Variants in EEF1AKMT2 observed in about 807,000 individuals in gnomAD.
EEF1AKMT2 encodes eukaryotic translation elongation factor 1 alpha lysine methyltransferase 2.
EEF1AKMT2 carries 32 observed loss-of-function variants against 35.8 expected under a neutral mutation model. The observed-to-expected ratio is 0.89, with a 90% confidence interval of 0.67 to 1.20. The LOEUF is 1.20. EEF1AKMT2 is among the 50% of genes most tolerant of loss of function. The pLI, the probability that EEF1AKMT2 is intolerant of heterozygous loss-of-function variation, is 0.00. For synonymous variants in EEF1AKMT2, 121 were observed against 133.7 expected (o/e 0.91, Z 0.65); for missense variants, 330 against 347.5 (o/e 0.95, Z 0.40).
At chr10:124,767,511 CAAAAA>C (rs1193595891) in intron 4 of EEF1AKMT2, among the ~76,000 whole-genome samples, 2 of 60,166 alleles carry the variant, frequency 3.3e-5, no homozygotes, top group African/African-American at 1.0e-4. Flanking sequence ...GACACTGCCT[CAAAAA>C]AAAAAAAAAA....
chr10:124,757,366 G>A (rs1048792624), downstream of EEF1AKMT2, among the ~76,000 whole-genome samples: 1 of 151,628 alleles, frequency 6.6e-6, no homozygotes, highest in Non-Finnish European at 1.5e-5. Context: ...CATTTGTACA[G>A]ATTTTCATTG....
chr10:124,789,257 G>C, intron 2 of EEF1AKMT2, 100 bp from the exon 3 acceptor site: 1 of 717,928 alleles, frequency 1.4e-6, no homozygotes, highest in South Asian at 2.0e-5. Flanking sequence ...ACTCTTATTT[G>C]AAAGTGAAAA....
At chr10:124,784,076 A>C (rs992586825) in intron 3 of EEF1AKMT2, among the ~76,000 whole-genome samples, 1 of 152,104 alleles carries the variant, frequency 6.6e-6, no homozygotes, top group African/African-American at 2.4e-5. Flanking sequence ...TGCCCACCTC[A>C]GTCTCCCAAA....
intron 4 of EEF1AKMT2, among the ~76,000 whole-genome samples, chr10:124,768,307 A>G (rs1231428434): frequency 6.6e-6 from 1 of 152,182 alleles, no homozygotes; most frequent in Non-Finnish European, 1.5e-5. Flanking sequence ...ATGAACAGAC[A>G]TTTTTAAAAA....
chr10:124,769,803 C>T (rs908008067), intron 4 of EEF1AKMT2, among the ~76,000 whole-genome samples: 2 of 151,212 alleles, frequency 1.3e-5, no homozygotes, highest in South Asian at 4.2e-4. Flanking sequence ...AAAAATTAGC[C>T]GGGCATGGTG....
At chr10:124,786,348 T>C (rs1221025116) in intron 3 of EEF1AKMT2, among the ~76,000 whole-genome samples, 1 of 150,708 alleles carries the variant, frequency 6.6e-6, no homozygotes, top group East Asian at 2.0e-4. Flanking sequence ...CTACTGAAAA[T>C]ACAAAAAATT....
chr10:124,769,778 C>T lies in EEF1AKMT2; in HGVS notation c.400-4170G>A, dbSNP rs529917516. On this transcript the variant is annotated intron_variant, in intron 4 of 6. Transcript: ENST00000368836. ...CCTGACCAACATAGTGAAACCCCAT[C>T]GCTACTAAAAATACAAAAATTAGCC... 7.8e-4 allele frequency among the ~76,000 whole-genome samples: 118 copies of T among 150,704 alleles called. 1 individual carries two copies. Among genetic ancestry groups the T allele is most frequent in the African/African-American group, 2.6e-3 (105 of 41,036 alleles).
chr10:124,758,232 G>A lies in EEF1AKMT2; in HGVS notation c.*2271C>T, dbSNP rs1331377552. 1 of 152,102 alleles carries A rather than the reference G, an allele frequency of 6.6e-6. No individual in the cohort carries two copies. Among genetic ancestry groups the A allele is most frequent in the Non-Finnish European group, 1.5e-5 (1 of 68,018 alleles). 9.4% of individuals were successfully genotyped at this position (152,102 alleles called of 1,614,324 possible). Reference sequence around the variant, plus strand: ...ATGTAACTTACTGCTTTTTATAAGTGCATAATTTCTGTCACAGTTACCCAC... The same window carrying A: ...ATGTAACTTACTGCTTTTTATAAGTACATAATTTCTGTCACAGTTACCCAC... On this transcript the variant is annotated 3_prime_UTR_variant, in exon 7 of 7. Coordinates refer to ENST00000368836, the MANE Select transcript of EEF1AKMT2 (RefSeq NM_212554.4).
At chr10:124,776,130 C>A (rs1950485325) in intron 3 of EEF1AKMT2, among the ~76,000 whole-genome samples, 1 of 152,116 alleles carries the variant, frequency 6.6e-6, no homozygotes, top group African/African-American at 2.4e-5. Context: ...ACCGTGTTAG[C>A]CAGGATGGTC....
intron 3 of EEF1AKMT2, among the ~76,000 whole-genome samples, chr10:124,787,108 G>A (rs1269928878): frequency 2.0e-5 from 3 of 150,244 alleles, no homozygotes; most frequent in Non-Finnish European, 3.0e-5. Flanking sequence ...CACCACTCCC[G>A]GCTAACTTTT....
At chr10:124,779,582 T>TAA (rs1202322883) in intron 3 of EEF1AKMT2, among the ~76,000 whole-genome samples, 8 of 141,480 alleles carry the variant, frequency 5.7e-5, no homozygotes, top group Non-Finnish European at 1.5e-5. Flanking sequence ...CCGTCTCTAC[T>TAA]AAAAAAATAC....
chr10:124,783,559 T>C (rs1950561050), intron 3 of EEF1AKMT2, among the ~76,000 whole-genome samples: 1 of 152,222 alleles, frequency 6.6e-6, no homozygotes, highest in South Asian at 2.1e-4. Flanking sequence ...CGAGTATGCT[T>C]AACTGGCGTA....
At chr10:124,788,710 T>TTATATATATATATATATATA (rs146577563) in intron 3 of EEF1AKMT2, among the ~76,000 whole-genome samples, 1,493 of 92,306 alleles carry the variant, frequency 0.016, 113 homozygotes, top group South Asian at 0.031. Context: ...AAGGTCATCT[T>TTATATATATATATATATATA]TATATATATA....
chr10:124,787,558 T>C (rs919993742), intron 3 of EEF1AKMT2, among the ~76,000 whole-genome samples: 41 of 151,882 alleles, frequency 2.7e-4, no homozygotes, highest in Non-Finnish European at 2.1e-4. Context: ...TTGTTCATGA[T>C]TGGTAGATAG....
intron 3 of EEF1AKMT2, among the ~76,000 whole-genome samples, chr10:124,788,710 T>TTATATATATATATATATATATATACATA (rs146577563): frequency 1.1e-5 from 1 of 92,506 alleles, no homozygotes; most frequent in Non-Finnish European, 2.4e-5. Flanking sequence ...AAGGTCATCT[T>TTATATATATATATATATATATATACATA]TATATATATA....
chr10:124,775,203 C>A (rs1476473335), intron 3 of EEF1AKMT2, among the ~76,000 whole-genome samples: 1 of 152,148 alleles, frequency 6.6e-6, no homozygotes, highest in African/African-American at 2.4e-5. Flanking sequence ...ATTTTCCCTT[C>A]AGTGTAATTA....
At chr10:124,782,004 G>C (rs560211226) in intron 3 of EEF1AKMT2, among the ~76,000 whole-genome samples, 2 of 151,968 alleles carry the variant, frequency 1.3e-5, no homozygotes, top group Non-Finnish European at 2.9e-5. Flanking sequence ...AGGAGATTTT[G>C]ACAACTATAT....
At chr10:124,775,655 C>T (rs1950481640) in intron 3 of EEF1AKMT2, among the ~76,000 whole-genome samples, 1 of 152,188 alleles carries the variant, frequency 6.6e-6, no homozygotes, top group African/African-American at 2.4e-5. Context: ...TCCATGAAGA[C>T]CTACCAAGTC....
chr10:124,757,859 C>A lies in EEF1AKMT2; in HGVS notation c.*2644G>T, dbSNP rs1022938114. The A allele has an allele frequency of 1.3e-5, 2 of 152,180 alleles. No homozygotes were observed. The highest frequency in any genetic ancestry group is 3.8e-4 in the East Asian group (2 of 5,202). 9.4% of individuals were successfully genotyped at this position (152,180 alleles called of 1,614,324 possible). On this transcript the variant is annotated 3_prime_UTR_variant, in exon 7 of 7. Coordinates refer to ENST00000368836, the MANE Select transcript of EEF1AKMT2 (RefSeq NM_212554.4). Reference sequence around the variant, plus strand: ...TTATTTTTAAATGGCTTTAGTCAGGCTGCCAAGAGTGATATCAGGTTTGAT... The same window carrying A: ...TTATTTTTAAATGGCTTTAGTCAGGATGCCAAGAGTGATATCAGGTTTGAT...
Sources: gnomAD v4.1 joint callset for allele counts (sites outside exome capture counted in the v4.1 genomes callset) on GRCh38, gnomAD v4.1.1 for gene constraint, MANE v1.5 for transcripts, NCBI Gene and HGNC (gene_info 2026-07-23, HGNC 2026-07-21) for gene names.